The following DPP10 variants were observed in gnomAD, a reference collection of about 807,000 sequenced individuals.
DPP10 encodes the protein inactive dipeptidyl peptidase 10.
A neutral mutation model predicts 120.9 loss-of-function variants in DPP10; 33 were observed. The observed-to-expected ratio is 0.27, with a 90% CI of 0.21 to 0.37. The LOEUF (loss-of-function observed/expected upper bound fraction) is 0.37, where lower values mean the gene tolerates loss of function less well. Among genes scored for constraint, DPP10 ranks in the 10% least tolerant of loss-of-function variants. The pLI is 1.00. For missense variants in DPP10, 816 were observed against 942.8 expected (o/e 0.87, Z 1.76); for synonymous variants, 337 against 326.1 (o/e 1.03, Z -0.36).
chr2:115,251,483 A>T (rs1185293960), intron 1 of DPP10, among the ~76,000 whole-genome samples: 1 of 152,166 alleles, frequency 6.6e-6, no homozygotes, highest in Non-Finnish European at 1.5e-5. Context: ...TTTTACTGCG[A>T]CAAAAAATCC....
At chr2:114,869,911 C>T (rs930455506) in intron 1 of DPP10, among the ~76,000 whole-genome samples, 9 of 152,226 alleles carry the variant, frequency 5.9e-5, no homozygotes, top group South Asian at 2.1e-4. Flanking sequence ...GCAACTTATG[C>T]GGTCTCTTTG....
chr2:115,819,913 G>C (rs1687637881), intron 21 of DPP10, among the ~76,000 whole-genome samples: 1 of 152,202 alleles, frequency 6.6e-6, no homozygotes, highest in African/African-American at 2.4e-5. Context: ...AGAATCGCTT[G>C]AACCCAGGAG....
At chr2:114,544,783 GATTA>G (rs771141860) in intron 1 of DPP10, among the ~76,000 whole-genome samples, 13 of 151,936 alleles carry the variant, frequency 8.6e-5, no homozygotes, top group Non-Finnish European at 1.5e-4. Context: ...GTCTCAATAG[GATTA>G]ATTCATAGAT....
At chr2:115,335,898 C>T (rs950536694) in intron 2 of DPP10, among the ~76,000 whole-genome samples, 1 of 152,058 alleles carries the variant, frequency 6.6e-6, no homozygotes, top group South Asian at 2.1e-4. Flanking sequence ...GGGAGAATCA[C>T]GTGAGTAGAA....
intron 5 of DPP10, among the ~76,000 whole-genome samples, chr2:115,601,997 A>G (rs559362417): frequency 3.9e-5 from 6 of 152,290 alleles, no homozygotes; most frequent in Non-Finnish European, 5.9e-5. Flanking sequence ...GTAACTTTCA[A>G]CAACTCATTT....
rs12471229 is a variant in DPP10 at position 115,240,022 on chromosome 2, T to G, written c.61-69217T>G. Reference sequence around the variant, plus strand: ...TATCATTGATGGACATTAGAGTTGGTTCCAAGTCTTTGCTGTTGTGAATAG... The same window carrying G: ...TATCATTGATGGACATTAGAGTTGGGTCCAAGTCTTTGCTGTTGTGAATAG... On this transcript the variant is annotated intron_variant, in intron 1 of 25. Coordinates refer to ENST00000410059, the MANE Select transcript of DPP10 (RefSeq NM_020868.6). Among the ~76,000 whole-genome samples, 778 of 152,316 alleles carry G rather than the reference T, an allele frequency of 5.1e-3. 5 individuals carry two copies. Among genetic ancestry groups the G allele is most frequent in the Admixed American group, 9.2e-3 (140 of 15,300 alleles).
intron 5 of DPP10, among the ~76,000 whole-genome samples, chr2:115,661,310 GC>G (rs775938838): frequency 3.1e-4 from 47 of 152,084 alleles, no homozygotes; most frequent in Non-Finnish European, 1.8e-4. Context: ...TCTTTGACTA[GC>G]CTTTCTATAG....
At chr2:115,504,795 G>C (rs757988167) in intron 4 of DPP10, among the ~76,000 whole-genome samples, 3 of 152,008 alleles carry the variant, frequency 2.0e-5, no homozygotes, top group Non-Finnish European at 2.9e-5. Context: ...TTCCAGCATA[G>C]CTTTAAAAGT....
Position 115,684,941 on chromosome 2 carries a change from T to C in DPP10, c.442-4746T>C, listed in dbSNP as rs559181395. Among the ~76,000 whole-genome samples, 15 of 152,030 alleles carry C rather than the reference T, an allele frequency of 9.9e-5. No individual in the cohort carries two copies. In the South Asian group the frequency reaches 2.9e-3, roughly 29 times the overall value. On this transcript the variant is annotated intron_variant, in intron 5 of 25. Coordinates refer to ENST00000410059, the MANE Select transcript of DPP10 (RefSeq NM_020868.6). ...AGTGGCTTAATTGGTCTTTTGGAAATGAATCATTTGCAAAGGTAGAGTCGT... is the reference window on the plus strand; with the variant it reads ...AGTGGCTTAATTGGTCTTTTGGAAACGAATCATTTGCAAAGGTAGAGTCGT...
intron 1 of DPP10, among the ~76,000 whole-genome samples, chr2:114,750,660 G>A (rs1679129842): frequency 6.6e-6 from 1 of 152,176 alleles, no homozygotes; most frequent in Non-Finnish European, 1.5e-5. Flanking sequence ...ACTTCCTCAA[G>A]GAGCCCAGTG....
intron 1 of DPP10, among the ~76,000 whole-genome samples, chr2:115,193,652 G>A (rs1033172853): frequency 2.0e-5 from 3 of 152,176 alleles, no homozygotes; most frequent in African/African-American, 7.2e-5. Context: ...CTCAAAAGGC[G>A]TACTTAGAAT....
intron 1 of DPP10, among the ~76,000 whole-genome samples, chr2:114,859,744 A>G (rs1689665017): frequency 1.3e-5 from 2 of 152,130 alleles, no homozygotes; most frequent in South Asian, 4.1e-4. Flanking sequence ...TTTCCTCCCC[A>G]GTGATTGTGG....
intron 1 of DPP10, among the ~76,000 whole-genome samples, chr2:114,662,827 G>T (rs1302706510): frequency 1.3e-5 from 2 of 152,136 alleles, no homozygotes; most frequent in African/African-American, 4.8e-5. Flanking sequence ...ACGATTTGAG[G>T]GCTTAGGTCC....
intron 1 of DPP10, among the ~76,000 whole-genome samples, chr2:114,892,585 A>T (rs1047227405): frequency 6.6e-6 from 1 of 152,240 alleles, no homozygotes; most frequent in Non-Finnish European, 1.5e-5. Flanking sequence ...AATGAGCTTG[A>T]TAAGGACAGA....
At chr2:115,655,143 TCAAGATTATTTTATAC>T (rs1208369282) in intron 5 of DPP10, among the ~76,000 whole-genome samples, 1 of 151,766 alleles carries the variant, frequency 6.6e-6, no homozygotes, top group Non-Finnish European at 1.5e-5. Context: ...AATCTGGAAT[TCAAGATTATTTTATAC>T]CAAAGTATAT....
chr2:115,160,551 G>C (rs2104953991), intron 1 of DPP10, among the ~76,000 whole-genome samples: 1 of 152,162 alleles, frequency 6.6e-6, no homozygotes, highest in South Asian at 2.1e-4. Flanking sequence ...CATATTCTCT[G>C]TCCTCTCTGC....
In DPP10 at chr2:114,991,783, C is replaced by T. The variant is rs575332816; in HGVS notation, c.61-317456C>T. Among the ~76,000 whole-genome samples, 14 of 152,204 alleles carry T rather than the reference C, an allele frequency of 9.2e-5. No individual in the cohort carries two copies. In the South Asian group the frequency reaches 2.3e-3, roughly 25 times the overall value. On this transcript the variant is annotated intron_variant, in intron 1 of 25. Transcript: ENST00000410059. The stretch of plus-strand genomic sequence containing the variant: ...TTTGGAGATGAGTGTGGAAAGAAAA[C>T]AGAAAAAGTGGCAGAGAGGGATTGT...
At chr2:114,563,843 A>C (rs1263953125) in intron 1 of DPP10, among the ~76,000 whole-genome samples, 1 of 152,154 alleles carries the variant, frequency 6.6e-6, no homozygotes, top group Non-Finnish European at 1.5e-5. Flanking sequence ...TGTCTTGGTC[A>C]CCCTCACCTT....
chr2:114,581,173 C>CTTT (rs70937291), intron 1 of DPP10, among the ~76,000 whole-genome samples: 4 of 77,892 alleles, frequency 5.1e-5, no homozygotes, highest in African/African-American at 1.0e-4. Context: ...TTTTTCTTCT[C>CTTT]TTTTTTTTTT....
Sources: gnomAD v4.1 joint callset for allele counts (sites outside exome capture counted in the v4.1 genomes callset) on GRCh38, gnomAD v4.1.1 for gene constraint, MANE v1.5 for transcripts, NCBI Gene and HGNC (gene_info 2026-07-23, HGNC 2026-07-21) for gene names.